JARID2: variants seen among roughly 807,000 people sequenced by gnomAD.
JARID2 encodes protein Jumonji.
A neutral mutation model predicts 125.6 loss-of-function variants in JARID2; 21 were observed. The ratio of observed to expected loss-of-function variants is 0.17; its 90% confidence interval spans 0.12 to 0.24. The LOEUF is 0.24. Among genes scored for constraint, JARID2 ranks in the 10% least tolerant of loss-of-function variants. The probability of loss-of-function intolerance (pLI) is 1.00; values close to 1 mark genes in which losing one functional copy is unlikely to be tolerated. For synonymous variants in JARID2, 736 were observed against 661.6 expected (o/e 1.11, Z -1.73); for missense variants, 1,303 against 1,639.6 (o/e 0.79, Z 3.55).
intron 6 of JARID2, among the ~76,000 whole-genome samples, chr6:15,492,049 T>TAGG (rs1770174813): frequency 1.3e-5 from 2 of 152,340 alleles, no homozygotes; most frequent in South Asian, 4.1e-4. Context: ...CTCTTATGAC[T>TAGG]AGGAGGGATT....
intron 5 of JARID2, among the ~76,000 whole-genome samples, chr6:15,472,533 G>T (rs755530189): frequency 7.9e-5 from 12 of 152,102 alleles, no homozygotes; most frequent in Admixed American, 3.3e-4. Flanking sequence ...CTACCATTTT[G>T]ATTATGTCGT....
rs1041639239 is a variant in JARID2 at position 15,497,387 on chromosome 6, C to G, written c.1945+217C>G. ...ATAAGAATGGTATTGAGCTGCCGGGCGCGGTGGCTCACGCTTGTAATCCCA... is the reference window on the plus strand; with the variant it reads ...ATAAGAATGGTATTGAGCTGCCGGGGGCGGTGGCTCACGCTTGTAATCCCA... On this transcript the variant is annotated intron_variant, in intron 7 of 17. Transcript: ENST00000341776. Among the ~76,000 whole-genome samples the G allele has an allele frequency of 2.0e-5, 3 of 152,306 alleles. No homozygotes were observed. In the South Asian group the frequency reaches 6.2e-4, roughly 32 times the overall value.
chr6:15,421,216 C>T (rs934233848), intron 3 of JARID2, among the ~76,000 whole-genome samples: 5 of 152,104 alleles, frequency 3.3e-5, no homozygotes, highest in African/African-American at 4.8e-5. Flanking sequence ...CAGTATGTTG[C>T]TATATGGTGG....
At chr6:15,507,747 G>T (rs1250990729) in intron 11 of JARID2, among the ~76,000 whole-genome samples, 1 of 152,178 alleles carries the variant, frequency 6.6e-6, no homozygotes, top group Non-Finnish European at 1.5e-5. Context: ...TGAATTCTCA[G>T]GATGGTCAGT....
intron 4 of JARID2, among the ~76,000 whole-genome samples, chr6:15,457,993 T>C (rs1768265275): frequency 6.6e-6 from 1 of 152,152 alleles, no homozygotes; most frequent in Admixed American, 6.5e-5. Context: ...GCCCGAGGTA[T>C]TTGCCCGCAG....
chr6:15,496,964 A>G lies in JARID2; in HGVS notation c.1739A>G (p.Gln580Arg), dbSNP rs1478462316. The change falls in exon 7 of 18, where the codon CAG (glutamine) becomes CGG (arginine). Residue 580 changes from glutamine to arginine, a missense_variant. Gln to Arg is a conservative substitution (Grantham distance 43). Transcript: ENST00000341776. Reference protein sequence around the residue: ...PLIYIESVRAQVEKFGMCRVI... With the variant: ...PLIYIESVRARVEKFGMCRVI... Reference sequence around the variant, plus strand: ...ATCTACATCGAGTCGGTCCGCGCTCAGGTGGAGAAGTTCGGGATGTGCAGG... The same window carrying G: ...ATCTACATCGAGTCGGTCCGCGCTCGGGTGGAGAAGTTCGGGATGTGCAGG... 1.9e-6 allele frequency: 3 copies of G among 1,612,824 alleles called. No individual in the cohort carries two copies. Among genetic ancestry groups the G allele is most frequent in the Admixed American group, 1.7e-5 (1 of 59,972 alleles).
intron 3 of JARID2, among the ~76,000 whole-genome samples, chr6:15,427,197 C>G (rs1422698452): frequency 1.3e-5 from 2 of 152,136 alleles, no homozygotes; most frequent in African/African-American, 4.8e-5. Flanking sequence ...ACACTCTGTC[C>G]TAAGAGTTCA....
chr6:15,498,888 C>T (rs1400700431), intron 7 of JARID2, among the ~76,000 whole-genome samples: 2 of 152,238 alleles, frequency 1.3e-5, no homozygotes, highest in Non-Finnish European at 2.9e-5. Context: ...GGAACCGCAC[C>T]AAGTCCTCCT....
chr6:15,380,834 A>T (rs926710728), intron 2 of JARID2, among the ~76,000 whole-genome samples: 1 of 152,184 alleles, frequency 6.6e-6, no homozygotes, highest in Non-Finnish European at 1.5e-5. Flanking sequence ...CGTATTTGTG[A>T]ATCAAAATAA....
rs531384417 is a variant in JARID2 at position 15,292,133 on chromosome 6, C to T, written c.45+45549C>T. On this transcript the variant is annotated intron_variant, in intron 1 of 17. Coordinates refer to ENST00000341776, the MANE Select transcript of JARID2 (RefSeq NM_004973.4). ...CCGGGTTCACGCCATTCTCCTGCCT[C>T]AGCCTCCCGAGTAGCTGGGACCACA... is the stretch of plus-strand genomic sequence containing the variant. 1.8e-4 allele frequency among the ~76,000 whole-genome samples: 28 copies of T among 152,190 alleles called. No homozygotes were observed. In the South Asian group the frequency reaches 5.8e-3, roughly 32 times the overall value.
intron 1 of JARID2, among the ~76,000 whole-genome samples, chr6:15,255,183 A>C (rs1427040044): frequency 7.9e-6 from 1 of 126,986 alleles, no homozygotes; most frequent in African/African-American, 3.0e-5. Flanking sequence ...CTTTGTTGCC[A>C]GGCTGGAGTA....
chr6:15,324,859 A>G (rs577531549), intron 1 of JARID2, among the ~76,000 whole-genome samples: 3 of 151,688 alleles, frequency 2.0e-5, no homozygotes, highest in East Asian at 3.9e-4. Flanking sequence ...TAAAAAAAAA[A>G]AAAAGAAAAG....
chr6:15,352,834 G>A (rs547689604), intron 1 of JARID2, among the ~76,000 whole-genome samples: 212 of 152,256 alleles, frequency 1.4e-3, no homozygotes, highest in African/African-American at 4.6e-3. Context: ...ATAGCATAGC[G>A]CCACGAGGTT....
chr6:15,293,103 CTCTGTG>C (rs771229429), intron 1 of JARID2, among the ~76,000 whole-genome samples: 12 of 152,200 alleles, frequency 7.9e-5, no homozygotes, highest in Non-Finnish European at 1.8e-4. Context: ...TCTGTCTCTT[CTCTGTG>C]TGAGTAAAGC....
intron 3 of JARID2, among the ~76,000 whole-genome samples, chr6:15,450,274 A>T (rs1426773213): frequency 6.6e-6 from 1 of 151,982 alleles, no homozygotes; most frequent in African/African-American, 2.4e-5. Context: ...GGTTCCAGCG[A>T]TTCTCCTGCC....
At chr6:15,330,686 T>C (rs953252893) in intron 1 of JARID2, among the ~76,000 whole-genome samples, 4 of 152,164 alleles carry the variant, frequency 2.6e-5, no homozygotes, top group African/African-American at 4.8e-5. Context: ...ACAGAATGAG[T>C]AATGGAAATA....
chr6:15,249,998 A>G (rs551228519), intron 1 of JARID2, among the ~76,000 whole-genome samples: 2 of 152,336 alleles, frequency 1.3e-5, no homozygotes, highest in African/African-American at 4.8e-5. Flanking sequence ...CCTAGGGAGA[A>G]TAACAGATAG....
chr6:15,468,465 GT>G (rs1459087506), intron 4 of JARID2, 76 bp from the exon 5 acceptor site: 22 of 1,320,436 alleles, frequency 1.7e-5, no homozygotes, highest in Non-Finnish European at 2.2e-5. Context: ...CCTCGGTTTT[GT>G]TTCATTGTGG....
At chr6:15,510,360 A>G (rs1404013130) in intron 12 of JARID2, among the ~76,000 whole-genome samples, 1 of 151,990 alleles carries the variant, frequency 6.6e-6, no homozygotes, top group African/African-American at 2.4e-5. Context: ...CCCCTCATTC[A>G]TGCTGTGAGC....
Sources: allele counts gnomAD v4.1 joint callset (sites outside exome capture counted in the v4.1 genomes callset), GRCh38; gene constraint gnomAD v4.1.1; transcripts MANE v1.5; gene names NCBI Gene and HGNC (gene_info 2026-07-23, HGNC 2026-07-21).